Variants in GPR63 observed in about 807,000 individuals in gnomAD.
GPR63 encodes probable G protein-coupled receptor 63.
In GPR63, 12 loss-of-function variants were observed where a neutral mutation model predicts 23.1. That is an observed-to-expected ratio of 0.52 (90% CI 0.33 to 0.84). The LOEUF is 0.84. GPR63 is among the 40% of genes least tolerant of loss of function. The probability of loss-of-function intolerance (pLI) is 0.02; values close to 1 mark genes in which losing one functional copy is unlikely to be tolerated. For synonymous variants in GPR63, 172 were observed against 191.1 expected (o/e 0.90, Z 0.82); for missense variants, 472 against 515.6 (o/e 0.92, Z 0.82).
chr6:96,798,579 T>C lies in GPR63; in HGVS notation c.1153A>G (p.Met385Val), dbSNP rs749085483. The C allele has an allele frequency of 5.9e-5, 95 of 1,614,188 alleles. No individual in the cohort carries two copies. The East Asian group carries it at 1.5e-3, about 26-fold the overall frequency. ...IKKFHDACLD[M>V]MPKSFKFLPQ... is the part of the protein sequence containing the mutation. Reference sequence around the variant, plus strand: ...AAAAACTTGAAGGACTTAGGCATCATGTCCAGGCAAGCATCATGGAATTTC... The same window carrying C: ...AAAAACTTGAAGGACTTAGGCATCACGTCCAGGCAAGCATCATGGAATTTC... The change falls in exon 2 of 2, where the codon ATG becomes GTG. Residue 385 changes from methionine (M) to valine (V), a missense_variant. Coordinates refer to ENST00000229955, the MANE Select transcript of GPR63 (RefSeq NM_030784.4).
At chr6:96,803,567 T>C (rs577690757) in intron 1 of GPR63, among the ~76,000 whole-genome samples, 1 of 152,350 alleles carries the variant, frequency 6.6e-6, no homozygotes, top group East Asian at 1.9e-4. Context: ...CGTCATTCAC[T>C]TCACTCCTGG....
chr6:96,806,248 T>G (rs1231440964), intron 1 of GPR63, among the ~76,000 whole-genome samples: 1 of 152,228 alleles, frequency 6.6e-6, no homozygotes. Flanking sequence ...GCCTGCCATC[T>G]TTTAAATTTT....
At chr6:96,807,076 A>G (rs1773913818) in intron 1 of GPR63, among the ~76,000 whole-genome samples, 1 of 152,260 alleles carries the variant, frequency 6.6e-6, no homozygotes, top group African/African-American at 2.4e-5. Context: ...ATGAAAAACT[A>G]CATTCATTCA....
chr6:96,803,885 T>C (rs984805608), intron 1 of GPR63, among the ~76,000 whole-genome samples: 3 of 152,358 alleles, frequency 2.0e-5, no homozygotes, highest in Non-Finnish European at 2.9e-5. Flanking sequence ...CTAGTCTTTA[T>C]TTGCCATTTG....
chr6:96,816,775 GCA>G (rs1774176010), intron 1 of GPR63, among the ~76,000 whole-genome samples: 1 of 152,158 alleles, frequency 6.6e-6, no homozygotes, highest in Non-Finnish European at 1.5e-5. Context: ...GCTAAGCAGA[GCA>G]CAGTCTCAGT....
chr6:96,801,076 T>G (rs949591628), intron 1 of GPR63, among the ~76,000 whole-genome samples: 1 of 152,202 alleles, frequency 6.6e-6, no homozygotes. Context: ...AACCTCTTTA[T>G]AGTTAGAAAG....
At chr6:96,819,505 T>A (rs1429422575) in intron 1 of GPR63, among the ~76,000 whole-genome samples, 1 of 151,048 alleles carries the variant, frequency 6.6e-6, no homozygotes, top group Non-Finnish European at 1.5e-5. Flanking sequence ...CATCACACAC[T>A]GGGGCCTGTC....
intron 1 of GPR63, among the ~76,000 whole-genome samples, chr6:96,802,431 G>A (rs762919478): frequency 3.3e-5 from 5 of 151,666 alleles, no homozygotes; most frequent in Admixed American, 6.6e-5. Flanking sequence ...TCCACATCCC[G>A]AAAATTACAC....
chr6:96,818,288 C>A (rs1354916230), intron 1 of GPR63, among the ~76,000 whole-genome samples: 3 of 151,922 alleles, frequency 2.0e-5, no homozygotes, highest in Non-Finnish European at 2.9e-5. Flanking sequence ...ATGGTGAAAA[C>A]CCCTCTTTAC....
intron 1 of GPR63, among the ~76,000 whole-genome samples, chr6:96,816,833 C>A (rs891545045): frequency 6.6e-6 from 1 of 152,032 alleles, no homozygotes; most frequent in Non-Finnish European, 1.5e-5. Context: ...TTGGGGGAAA[C>A]AACATCTGAA....
chr6:96,807,573 T>C (rs1773929280), intron 1 of GPR63, among the ~76,000 whole-genome samples: 1 of 152,158 alleles, frequency 6.6e-6, no homozygotes, highest in Non-Finnish European at 1.5e-5. Flanking sequence ...TTTCACACAA[T>C]ATCCTACACA....
chr6:96,821,997 T>C (rs535870288), intron 1 of GPR63, among the ~76,000 whole-genome samples: 12 of 151,926 alleles, frequency 7.9e-5, no homozygotes, highest in African/African-American at 2.7e-4. Flanking sequence ...CACCATCAGA[T>C]ACCTCAAATA....
In GPR63 at chr6:96,798,553, C is replaced by G; in HGVS notation, c.1179G>C (p.Leu393Phe). The stretch of plus-strand genomic sequence containing the variant: ...GCTTTGTGTGACCAGGGAGCTGCGG[C>G]AAAAACTTGAAGGACTTAGGCATCA... ...LDMMPKSFKF[L>F]PQLPGHTKRR... Residue 393 changes from leucine to phenylalanine, a missense_variant, in exon 2 of 2, where the codon TTG (leucine) becomes TTC (phenylalanine). Physicochemically the swap from Leu to Phe is conservative, Grantham distance 22. Coordinates refer to ENST00000229955, the MANE Select transcript of GPR63 (RefSeq NM_030784.4). The G allele has an allele frequency of 6.2e-7, 1 of 1,614,194 alleles. No individual in the cohort carries two copies. The highest frequency in any genetic ancestry group is 2.2e-5 in the East Asian group (1 of 44,878).
At chr6:96,812,479 T>C (rs920437345) in intron 1 of GPR63, among the ~76,000 whole-genome samples, 11 of 152,144 alleles carry the variant, frequency 7.2e-5, no homozygotes, top group African/African-American at 2.7e-4. Context: ...TCAGAGAATA[T>C]GCTAAGTGAC....
At position 96,797,382 on chromosome 6, in the gene GPR63, C is replaced by T. The variant is rs1773617060; in HGVS notation, c.*1090G>A. On this transcript the variant is annotated 3_prime_UTR_variant, in exon 2 of 2. Transcript: ENST00000229955. Reference sequence around the variant, plus strand: ...AAAATTAAAGGATGCATAGAGTTCCCTCTTGACTATGTGACATCTAAACTG... The same window carrying T: ...AAAATTAAAGGATGCATAGAGTTCCTTCTTGACTATGTGACATCTAAACTG... 6.6e-6 allele frequency: 1 copy of T among 152,030 alleles called. No homozygotes were observed. The highest frequency in any genetic ancestry group is 6.6e-5 in the Admixed American group (1 of 15,262). 9.4% of individuals were successfully genotyped at this position (152,030 alleles called of 1,614,324 possible).
intron 1 of GPR63, among the ~76,000 whole-genome samples, chr6:96,836,643 T>C (rs1774735945): frequency 6.6e-6 from 1 of 152,020 alleles, no homozygotes; most frequent in Non-Finnish European, 1.5e-5. Context: ...TATTTTATTA[T>C]TAAAAAGAAG....
intron 1 of GPR63, among the ~76,000 whole-genome samples, chr6:96,806,436 G>C (rs1271362943): frequency 1.3e-5 from 2 of 152,140 alleles, no homozygotes; most frequent in Admixed American, 6.5e-5. Context: ...TGCCATATTT[G>C]AGTAATCAGT....
chr6:96,813,965 T>A (rs1774102374), intron 1 of GPR63, among the ~76,000 whole-genome samples: 2 of 152,062 alleles, frequency 1.3e-5, no homozygotes, highest in South Asian at 4.1e-4. Flanking sequence ...ATGTAAAAAG[T>A]GGTATATTTG....
intron 1 of GPR63, among the ~76,000 whole-genome samples, chr6:96,821,049 T>G (rs1020291932): frequency 6.6e-6 from 1 of 152,208 alleles, no homozygotes; most frequent in East Asian, 1.9e-4. Flanking sequence ...TGTGCCCACC[T>G]TGGCAGTGGT....
Sources: gnomAD v4.1 joint callset for allele counts (sites outside exome capture counted in the v4.1 genomes callset) on GRCh38, gnomAD v4.1.1 for gene constraint, MANE v1.5 for transcripts, NCBI Gene and HGNC (gene_info 2026-07-23, HGNC 2026-07-21) for gene names.